TAF1B: variants seen among roughly 807,000 people sequenced by gnomAD.
TAF1B encodes the protein TATA-box binding protein associated factor, RNA polymerase I subunit B, also known as TATA box-binding protein-associated factor RNA polymerase I subunit B.
TAF1B carries 61 observed loss-of-function variants against 83.9 expected under a neutral mutation model. That is an observed-to-expected ratio of 0.73 (90% CI 0.59 to 0.90). The LOEUF is 0.90. Among genes scored for constraint, TAF1B ranks in the 40% least tolerant of loss-of-function variants. The pLI is 0.00. For missense variants in TAF1B, 625 were observed against 677.0 expected, an observed-to-expected ratio of 0.92 and a Z score of 0.85; for synonymous variants, 221 against 224.6, an observed-to-expected ratio of 0.98 and a Z score of 0.14.
chr2:9,847,244 T>C (rs1365930738), intron 2 of TAF1B, among the ~76,000 whole-genome samples: 1 of 152,220 alleles, frequency 6.6e-6, no homozygotes, highest in African/African-American at 2.4e-5. Context: ...ACAACATCTT[T>C]ATAAAGACCA....
chr2:9,913,057 C>A, intron 11 of TAF1B, 102 bp from the exon 12 acceptor site: 1 of 911,454 alleles, frequency 1.1e-6, no homozygotes, highest in Non-Finnish European at 1.7e-6. Context: ...CACACTCACA[C>A]CAACTGCCCA....
intron 11 of TAF1B, among the ~76,000 whole-genome samples, chr2:9,912,915 G>A (rs761761586): frequency 6.6e-6 from 1 of 152,174 alleles, no homozygotes; most frequent in Non-Finnish European, 1.5e-5. Flanking sequence ...TTTTAGTTAG[G>A]CATGGAAAGA....
chr2:9,900,927 T>C (rs1231155138), intron 8 of TAF1B, among the ~76,000 whole-genome samples: 1 of 152,192 alleles, frequency 6.6e-6, no homozygotes, highest in Non-Finnish European at 1.5e-5. Flanking sequence ...TAAATATGGA[T>C]GTGCCCAAAT....
chr2:9,934,128 C>A lies in TAF1B; in HGVS notation c.*144C>A. The A allele has an allele frequency of 1.5e-6, 1 of 666,678 alleles. No individual in the cohort carries two copies. Among genetic ancestry groups the A allele is most frequent in the Non-Finnish European group, 2.4e-6 (1 of 408,442 alleles). The allele number at this position is 666,678 out of a possible 1,614,324, so 41.3% of individuals were successfully genotyped here. A position where few individuals can be genotyped will look rare whatever the true frequency, so the allele number is the denominator to read the frequency against. On this transcript the variant is annotated 3_prime_UTR_variant, in exon 15 of 15. Coordinates refer to ENST00000263663, the MANE Select transcript of TAF1B (RefSeq NM_005680.3). ...CATATTTACATATATATCAAGTGTG[C>A]TTAGAAAAATGTATATTGTAAAGCA...
At chr2:9,920,314 A>T (rs1213600956) in intron 14 of TAF1B, among the ~76,000 whole-genome samples, 1 of 152,276 alleles carries the variant, frequency 6.6e-6, no homozygotes, top group South Asian at 2.1e-4. Context: ...GTCCTTTTAT[A>T]GCAGGATCAA....
intron 2 of TAF1B, among the ~76,000 whole-genome samples, chr2:9,848,830 A>G (rs1384563163): frequency 6.6e-6 from 1 of 152,196 alleles, no homozygotes; most frequent in Non-Finnish European, 1.5e-5. Context: ...GAAGACTCTG[A>G]TATGAATTAT....
intron 5 of TAF1B, 63 bp from the exon 6 acceptor site, chr2:9,868,213 T>G: frequency 1.3e-6 from 2 of 1,564,288 alleles, no homozygotes; most frequent in Non-Finnish European, 1.7e-6. Context: ...TTGTTTAAGT[T>G]CACAGAAATT....
At chr2:9,908,425 T>C (rs910670062) in intron 9 of TAF1B, among the ~76,000 whole-genome samples, 1 of 152,212 alleles carries the variant, frequency 6.6e-6, no homozygotes, top group Non-Finnish European at 1.5e-5. Flanking sequence ...ATGGTTTTGA[T>C]TTTTAAATTA....
chr2:9,851,906 T>C, intron 4 of TAF1B: 1 of 588,200 alleles, frequency 1.7e-6, no homozygotes, highest in Non-Finnish European at 3.3e-6. Flanking sequence ...AAAGTAAAAC[T>C]CAAATAACTT....
intron 13 of TAF1B, 145 bp from the exon 14 acceptor site, chr2:9,919,453 C>T (rs1665799457): frequency 2.9e-6 from 2 of 700,736 alleles, no homozygotes; most frequent in Non-Finnish European, 4.8e-6. Flanking sequence ...TTCATTTTCC[C>T]TTAACGTTAT....
upstream of TAF1B, chr2:9,843,455 G>A (rs913549338): frequency 1.1e-5 from 14 of 1,321,818 alleles, no homozygotes; most frequent in South Asian, 1.7e-4. Context: ...TCGCGTTTCC[G>A]GCCGGAAGCT....
intron 7 of TAF1B, among the ~76,000 whole-genome samples, chr2:9,878,698 C>G (rs1572242021): frequency 6.6e-6 from 1 of 152,168 alleles, no homozygotes. Flanking sequence ...AGGTGTTGTT[C>G]TGGCATCTAG....
intron 9 of TAF1B, among the ~76,000 whole-genome samples, chr2:9,910,187 C>T (rs568691416): frequency 5.3e-5 from 8 of 152,308 alleles, no homozygotes. Flanking sequence ...ATCCAAGAGT[C>T]ACAAAGCTAG....
chr2:9,884,958 T>C (rs1664627133), intron 8 of TAF1B, among the ~76,000 whole-genome samples: 1 of 152,224 alleles, frequency 6.6e-6, no homozygotes, highest in Non-Finnish European at 1.5e-5. Flanking sequence ...TGAGATAAAA[T>C]GTTATGGTAT....
intron 6 of TAF1B, 174 bp downstream of exon 6, chr2:9,868,603 A>C: frequency 9.9e-7 from 1 of 1,011,130 alleles, no homozygotes; most frequent in Non-Finnish European, 1.5e-6. Context: ...GTGAAATCTT[A>C]GCGCAATTTT....
chr2:9,916,837 C>CTTTTTTTTTTTTTTTTTTTTTTTT (rs371475463), intron 12 of TAF1B, among the ~76,000 whole-genome samples: 7 of 95,720 alleles, frequency 7.3e-5, no homozygotes, highest in East Asian at 2.8e-4. Context: ...CCTTTCTGTT[C>CTTTTTTTTTTTTTTTTTTTTTTTT]TTTTTTTTTT....
chr2:9,921,256 T>A (rs780600370), intron 14 of TAF1B, among the ~76,000 whole-genome samples: 2 of 152,156 alleles, frequency 1.3e-5, no homozygotes, highest in Non-Finnish European at 2.9e-5. Flanking sequence ...CATACCCAGC[T>A]AATTTTTTAT....
At chr2:9,899,510 CGTTT>C (rs1665118113) in intron 8 of TAF1B, among the ~76,000 whole-genome samples, 1 of 152,116 alleles carries the variant, frequency 6.6e-6, no homozygotes, top group Non-Finnish European at 1.5e-5. Flanking sequence ...ACATTTGGGT[CGTTT>C]CTACCTTTTG....
At chr2:9,848,517 T>C (rs1663278672) in intron 2 of TAF1B, among the ~76,000 whole-genome samples, 1 of 152,124 alleles carries the variant, frequency 6.6e-6, no homozygotes, top group African/African-American at 2.4e-5. Context: ...AAATACAAAA[T>C]TAGCCAGGCG....
Sources: allele counts gnomAD v4.1 joint callset (sites outside exome capture counted in the v4.1 genomes callset), GRCh38; gene constraint gnomAD v4.1.1; transcripts MANE v1.5; gene names NCBI Gene and HGNC (gene_info 2026-07-23, HGNC 2026-07-21).